DRAM1: variants seen among roughly 807,000 people sequenced by gnomAD.
DRAM1 encodes the protein DNA damage regulated autophagy modulator 1, also known as DNA damage-regulated autophagy modulator protein 1.
Under a neutral mutation model 28.5 loss-of-function variants are expected in DRAM1, and 25 were observed. That is an observed-to-expected ratio of 0.88 (90% CI 0.64 to 1.23). The LOEUF is 1.23. Ranked by LOEUF, DRAM1 falls within the 50% of genes most tolerant of loss-of-function variation. The probability of loss-of-function intolerance (pLI) is 0.00; values close to 1 mark genes in which losing one functional copy is unlikely to be tolerated. For missense variants in DRAM1, 249 were observed against 299.2 expected (o/e 0.83, Z 1.24); for synonymous variants, 113 against 114.2 (o/e 0.99, Z 0.07).
chr12:101,915,877 T>TAA (rs1462141025), intron 5 of DRAM1, among the ~76,000 whole-genome samples: 1 of 152,066 alleles, frequency 6.6e-6, no homozygotes, highest in African/African-American at 2.4e-5. Context: ...TTTCGAACGG[T>TAA]AAAGCAAATA....
At chr12:101,915,569 T>G (rs1313339371) in intron 5 of DRAM1, among the ~76,000 whole-genome samples, 1 of 147,168 alleles carries the variant, frequency 6.8e-6, no homozygotes, top group African/African-American at 2.5e-5. Flanking sequence ...TGAGACGGAG[T>G]TTCGCCCTTG....
chr12:101,879,162 A>AT (rs1219299160), intron 1 of DRAM1, among the ~76,000 whole-genome samples: 3 of 151,476 alleles, frequency 2.0e-5, no homozygotes, highest in South Asian at 2.1e-4. Context: ...ACCTGGCTTA[A>AT]TTTTTTTGTA....
chr12:101,916,570 T>C (rs1874250329), intron 5 of DRAM1, among the ~76,000 whole-genome samples: 1 of 152,204 alleles, frequency 6.6e-6, no homozygotes, highest in Non-Finnish European at 1.5e-5. Context: ...CAACCCATCC[T>C]GTTAGATACC....
chr12:101,877,745 C>G lies in DRAM1; in HGVS notation c.-45C>G. ...AGGCAGCCCGGAGCAACCCGGCGCC[C>G]GGCCCCGCTGGGCGCAGCACTCCGT... On this transcript the variant is annotated 5_prime_UTR_variant, in exon 1 of 7. Coordinates refer to ENST00000258534, the MANE Select transcript of DRAM1 (RefSeq NM_018370.3). The surrounding 1 kb of genome is among the most constrained non-coding windows in gnomAD (Gnocchi z 4.1). 1 of 1,381,628 alleles carries G rather than the reference C, an allele frequency of 7.2e-7. No homozygotes were observed. The allele number at this position is 1,381,628 out of a possible 1,614,324, so 85.6% of individuals were successfully genotyped here.
At chr12:101,907,594 C>G (rs1303998436) in intron 3 of DRAM1, among the ~76,000 whole-genome samples, 1 of 151,852 alleles carries the variant, frequency 6.6e-6, no homozygotes, top group Non-Finnish European at 1.5e-5. Flanking sequence ...CAAAAATTAG[C>G]CGGGCGTGGT....
At chr12:101,892,137 AC>A (rs1296828643) in intron 1 of DRAM1, among the ~76,000 whole-genome samples, 2 of 152,214 alleles carry the variant, frequency 1.3e-5, no homozygotes, top group African/African-American at 4.8e-5. Context: ...AAACAAACCA[AC>A]AAAAGTAAAA....
intron 1 of DRAM1, among the ~76,000 whole-genome samples, chr12:101,888,903 C>G (rs2121036997): frequency 6.8e-6 from 1 of 146,772 alleles, no homozygotes; most frequent in Non-Finnish European, 1.5e-5. Flanking sequence ...CTTCCGGGCT[C>G]AAGTGATCCT....
At chr12:101,881,273 C>G (rs1234366693) in intron 1 of DRAM1, among the ~76,000 whole-genome samples, 1 of 152,190 alleles carries the variant, frequency 6.6e-6, no homozygotes, top group South Asian at 2.1e-4. Flanking sequence ...GAGTGAGACT[C>G]TTTCTCAAAA....
At chr12:101,901,606 C>T (rs1397777432) in intron 3 of DRAM1, 173 bp downstream of exon 3, 4 of 726,182 alleles carry the variant, frequency 5.5e-6, no homozygotes, top group Non-Finnish European at 8.7e-6. Flanking sequence ...GAAATCAGGG[C>T]CAGGTGTGGT....
intron 1 of DRAM1, among the ~76,000 whole-genome samples, chr12:101,897,578 A>G (rs1226386114): frequency 3.9e-5 from 6 of 151,940 alleles, no homozygotes; most frequent in Non-Finnish European, 8.8e-5. Context: ...GAGAAGGAAC[A>G]CATACCAAGG....
intron 1 of DRAM1, among the ~76,000 whole-genome samples, chr12:101,884,933 GTT>G (rs779895150): frequency 6.7e-5 from 9 of 134,396 alleles, no homozygotes; most frequent in Admixed American, 7.6e-5. Flanking sequence ...TAGAGAAAAT[GTT>G]TTTTTTTTTT....
intron 1 of DRAM1, among the ~76,000 whole-genome samples, chr12:101,892,058 A>G (rs1429501538): frequency 6.6e-6 from 1 of 152,220 alleles, no homozygotes; most frequent in Non-Finnish European, 1.5e-5. Context: ...GTGTTTACTT[A>G]TCTGGATTCC....
intron 3 of DRAM1, among the ~76,000 whole-genome samples, chr12:101,906,625 G>T (rs1489987521): frequency 6.6e-6 from 1 of 152,060 alleles, no homozygotes; most frequent in Non-Finnish European, 1.5e-5. Flanking sequence ...AGGCTGAGGT[G>T]GGTGGATCAC....
chr12:101,921,556 T>C lies in DRAM1; in HGVS notation c.*296T>C. ...TGTTACAAAAAATGGAGAGCTCTTATTTTTGTACAGATTCTGTCGTTTTTG... is the reference window on the plus strand; with the variant it reads ...TGTTACAAAAAATGGAGAGCTCTTACTTTTGTACAGATTCTGTCGTTTTTG... On this transcript the variant is annotated 3_prime_UTR_variant, in exon 7 of 7. Transcript: ENST00000258534. 4.2e-6 allele frequency: 1 copy of C among 236,106 alleles called. No homozygotes were observed. The highest frequency in any genetic ancestry group is 8.1e-6 in the Non-Finnish European group (1 of 124,146). The allele number at this position is 236,106 out of a possible 1,614,324, so 14.6% of individuals were successfully genotyped here.
Position 101,901,317 on chromosome 12 carries a change from A to G in DRAM1, c.226A>G (p.Lys76Glu). 6.2e-7 allele frequency: 1 copy of G among 1,614,188 alleles called. No individual in the cohort carries two copies. Among genetic ancestry groups the G allele is most frequent in the Non-Finnish European group, 8.5e-7 (1 of 1,180,030 alleles). ...TGCAGCCACGATGTATACAAGATAC[A>G]AAATAGTACAGAAGCAAAATCAAAC... is the stretch of plus-strand genomic sequence containing the variant. ...LGAATMYTRY[K>E]IVQKQNQTCY... is the part of the protein sequence containing the mutation. Residue 76 changes from lysine to glutamate, a missense_variant, in exon 3 of 7, where the codon AAA becomes GAA. By Grantham distance (56) the Lys-to-Glu change is moderately conservative (BLOSUM62 1). Transcript: ENST00000258534.
At chr12:101,880,950 G>A (rs1159837454) in intron 1 of DRAM1, among the ~76,000 whole-genome samples, 3 of 152,160 alleles carry the variant, frequency 2.0e-5, no homozygotes, top group Non-Finnish European at 4.4e-5. Context: ...CATTTGTACT[G>A]ATTGCCCATG....
chr12:101,903,081 G>A (rs1443105146), intron 3 of DRAM1, among the ~76,000 whole-genome samples: 2 of 152,164 alleles, frequency 1.3e-5, no homozygotes, highest in East Asian at 1.9e-4. Context: ...ACCATGTCCA[G>A]CTAATTTTTG....
In DRAM1 at chr12:101,923,093, AAAAT is replaced by A. The variant is rs58464864; in HGVS notation, c.*1850_*1853del. The A allele has an allele frequency of 8.6e-5, 13 of 151,868 alleles. No individual in the cohort carries two copies. Among genetic ancestry groups the A allele is most frequent in the African/African-American group, 2.2e-4 (9 of 41,148 alleles). 9.4% of individuals were successfully genotyped at this position (151,868 alleles called of 1,614,324 possible). A position where few individuals can be genotyped will look rare whatever the true frequency, so the allele number is the denominator to read the frequency against. On this transcript the variant is annotated 3_prime_UTR_variant, in exon 7 of 7. Transcript: ENST00000258534. Reference sequence around the variant, plus strand: ...GGCAACAGAGTGAGACCCTGTCTCAAAAATAAATAAATAAATAAATGAATAAAGA... The same window carrying A: ...GGCAACAGAGTGAGACCCTGTCTCAAAAATAAATAAATAAATGAATAAAGA...
chr12:101,886,451 A>T (rs751296267), intron 1 of DRAM1, among the ~76,000 whole-genome samples: 1 of 152,230 alleles, frequency 6.6e-6, no homozygotes, highest in Non-Finnish European at 1.5e-5. Flanking sequence ...TGCTATTAGT[A>T]TTATCAAGGG....
Sources: gnomAD v4.1 joint callset for allele counts (sites outside exome capture counted in the v4.1 genomes callset) on GRCh38, gnomAD v4.1.1 for gene constraint, Gnocchi (gnomAD v3.1) non-coding constraint, MANE v1.5 for transcripts, NCBI Gene and HGNC (gene_info 2026-07-23, HGNC 2026-07-21) for gene names.